The following LY6S variants were observed in gnomAD, a reference collection of about 807,000 sequenced individuals.
LY6S encodes the protein lymphocyte antigen 6 family member S, also known as lymphocyte antigen 6S.
At chr8:143,046,583 A>C in the LY6S span, among the ~76,000 whole-genome samples, 4 of 151,864 alleles carry the variant, frequency 2.6e-5, no homozygotes, top group African/African-American at 4.8e-5. Context: ...AGCTCAAAAA[A>C]AAAAAAAAAA....
At chr8:143,070,471 ATATAAATATATATATATATTTTT>A in the LY6S span, among the ~76,000 whole-genome samples, 1 of 35,938 alleles carries the variant, frequency 2.8e-5, no homozygotes, top group African/African-American at 8.3e-5. Flanking sequence ...TATAATATAT[ATATAAATATATATATATATTTTT>A]TTTTTTTTTT....
the LY6S span, among the ~76,000 whole-genome samples, chr8:143,061,996 T>G: frequency 6.6e-6 from 1 of 152,234 alleles, no homozygotes; most frequent in Non-Finnish European, 1.5e-5. Flanking sequence ...TTTAAGTGAA[T>G]GTAGAACATT....
chr8:143,051,984 G>T, the LY6S span, among the ~76,000 whole-genome samples: 1 of 144,100 alleles, frequency 6.9e-6, no homozygotes. Flanking sequence ...AAAAAAAAAA[G>T]AAAAGAAAAG....
chr8:143,064,156 T>G, the LY6S span, among the ~76,000 whole-genome samples: 1 of 152,220 alleles, frequency 6.6e-6, no homozygotes, highest in Admixed American at 6.5e-5. Context: ...AAGGGGCCAT[T>G]GTTAGCTCCC....
At chr8:143,075,565 G>A in the LY6S span, among the ~76,000 whole-genome samples, 5 of 152,072 alleles carry the variant, frequency 3.3e-5, no homozygotes, top group African/African-American at 4.8e-5. The surrounding 1 kb of genome is among the most constrained non-coding windows in gnomAD (Gnocchi z 4.1). Flanking sequence ...GTAGCCAGGC[G>A]TGGTGGTGCA....
At chr8:143,057,226 A>T in the LY6S span, 1 of 273,710 alleles carries the variant, frequency 3.7e-6, no homozygotes. Flanking sequence ...ATAAGCCTTT[A>T]GTCTCTTTTT....
chr8:143,055,855 G>A, the LY6S span, among the ~76,000 whole-genome samples: 5 of 152,064 alleles, frequency 3.3e-5, no homozygotes, highest in Admixed American at 6.6e-5. Flanking sequence ...CTGCTTAGAC[G>A]ACGCCAATAG....
chr8:143,043,148 C>T, the LY6S span: 5 of 1,367,508 alleles, frequency 3.7e-6, no homozygotes, highest in Admixed American at 7.6e-5. Flanking sequence ...GGAAGACTGA[C>T]CCCAGGCTGA....
the LY6S span, chr8:143,044,529 T>TC: frequency 3.2e-6 from 1 of 316,532 alleles, no homozygotes. Flanking sequence ...CTGCCCGCCA[T>TC]GCCCACCCCA....
chr8:143,041,398 CA>C, the LY6S span, among the ~76,000 whole-genome samples: 1 of 152,226 alleles, frequency 6.6e-6, no homozygotes, highest in East Asian at 1.9e-4. Flanking sequence ...TCACCTGGCT[CA>C]CAGGCAACCA....
chr8:143,042,063 ACGGCCGTCCACCC>A, the LY6S span, among the ~76,000 whole-genome samples: 2 of 52,048 alleles, frequency 3.8e-5, 1 homozygote, highest in African/African-American at 1.6e-4. Context: ...CCAGGCTGAG[ACGGCCGTCCACCC>A]AGGGCGTTCT....
chr8:143,075,020 A>T, the LY6S span, among the ~76,000 whole-genome samples: 1 of 152,198 alleles, frequency 6.6e-6, no homozygotes. This position sits in a 1 kb window ranked among gnomAD's most constrained non-coding sequence, Gnocchi z 4.1. Context: ...GGTTGGCTTC[A>T]CACTCTTTCC....
the LY6S span, among the ~76,000 whole-genome samples, chr8:143,048,782 G>A: frequency 1.3e-5 from 2 of 152,200 alleles, no homozygotes; most frequent in Non-Finnish European, 1.5e-5. Context: ...AATCTGTTTT[G>A]AGGGACACAT....
the LY6S span, among the ~76,000 whole-genome samples, chr8:143,060,096 A>G: frequency 6.6e-6 from 1 of 152,230 alleles, no homozygotes; most frequent in Admixed American, 6.6e-5. Flanking sequence ...AGCTGAAGGG[A>G]CATGGTGAGA....
At chr8:143,049,824 A>T in the LY6S span, among the ~76,000 whole-genome samples, 1 of 152,230 alleles carries the variant, frequency 6.6e-6, no homozygotes, top group Non-Finnish European at 1.5e-5. Flanking sequence ...GGAGGTCCCA[A>T]ATGGAGAGGG....
the LY6S span, chr8:143,053,144 A>G: frequency 6.6e-6 from 1 of 151,820 alleles, no homozygotes; most frequent in South Asian, 2.1e-4. Flanking sequence ...GCTACAAACC[A>G]CCCCCGATGG....
the LY6S span, among the ~76,000 whole-genome samples, chr8:143,048,426 T>C: frequency 3.9e-5 from 6 of 152,120 alleles, no homozygotes; most frequent in South Asian, 1.2e-3. Flanking sequence ...CTCGTGGCCA[T>C]TGTGATTTAT....
At chr8:143,062,149 T>C in the LY6S span, among the ~76,000 whole-genome samples, 2 of 152,226 alleles carry the variant, frequency 1.3e-5, no homozygotes, top group Non-Finnish European at 2.9e-5. Flanking sequence ...TTGCAAATGA[T>C]ATATTTGCAT....
the LY6S span, among the ~76,000 whole-genome samples, chr8:143,069,211 C>A: frequency 6.6e-6 from 1 of 152,204 alleles, no homozygotes; most frequent in East Asian, 1.9e-4. Flanking sequence ...GACAAGGCTG[C>A]GGAAAGTCCA....
Sources: allele counts gnomAD v4.1 joint callset (sites outside exome capture counted in the v4.1 genomes callset), GRCh38; gene constraint gnomAD v4.1.1; non-coding constraint Gnocchi (gnomAD v3.1); transcripts MANE v1.5; gene names NCBI Gene and HGNC (gene_info 2026-07-23, HGNC 2026-07-21).